INPP4B: variants seen among roughly 807,000 people sequenced by gnomAD.
INPP4B encodes the protein inositol polyphosphate-4-phosphatase type II B, also known as inositol polyphosphate 4-phosphatase type II.
In INPP4B, 55 loss-of-function variants were observed where a neutral mutation model predicts 122.5. The ratio of observed to expected loss-of-function variants is 0.45; its 90% CI spans 0.36 to 0.56. INPP4B has a LOEUF of 0.56. Ranked by LOEUF, INPP4B falls within the 20% of genes least tolerant of loss-of-function variation. The probability of loss-of-function intolerance (pLI) is 0.00; values close to 1 mark genes in which losing one functional copy is unlikely to be tolerated. For synonymous variants in INPP4B, 403 were observed against 388.7 expected (o/e 1.04, Z -0.43); for missense variants, 1,000 against 1,097.7 (o/e 0.91, Z 1.26).
At chr4:142,756,610 G>A (rs1356076898) in intron 1 of INPP4B, among the ~76,000 whole-genome samples, 1 of 151,754 alleles carries the variant, frequency 6.6e-6, no homozygotes, top group African/African-American at 2.4e-5. Flanking sequence ...GAAAGGAAAG[G>A]TGATTCAAAG....
intron 1 of INPP4B, among the ~76,000 whole-genome samples, chr4:142,730,569 C>T (rs951144522): frequency 3.9e-5 from 6 of 152,186 alleles, no homozygotes; most frequent in African/African-American, 1.2e-4. Context: ...CCTGTCAAAG[C>T]TTTAATGACA....
chr4:142,823,188 A>C (rs1263125105), intron 1 of INPP4B, among the ~76,000 whole-genome samples: 3 of 152,196 alleles, frequency 2.0e-5, no homozygotes, highest in Admixed American at 6.5e-5. Flanking sequence ...GAAGCTCAGA[A>C]GGCAGAGAGC....
chr4:142,604,887 C>T (rs1740890769), intron 2 of INPP4B, among the ~76,000 whole-genome samples: 1 of 152,002 alleles, frequency 6.6e-6, no homozygotes, highest in South Asian at 2.1e-4. Flanking sequence ...TCATATAGAA[C>T]CAAAATAGAG....
At chr4:142,673,779 A>G (rs897314456) in intron 2 of INPP4B, among the ~76,000 whole-genome samples, 2 of 152,084 alleles carry the variant, frequency 1.3e-5, no homozygotes, top group Admixed American at 6.6e-5. Flanking sequence ...CGTCAGACTA[A>G]TTTTCCTCTT....
At chr4:142,673,970 T>C (rs1343449816) in intron 2 of INPP4B, among the ~76,000 whole-genome samples, 1 of 152,120 alleles carries the variant, frequency 6.6e-6, no homozygotes, top group African/African-American at 2.4e-5. Flanking sequence ...TAATAGCTCA[T>C]AGATGCATCC....
intron 2 of INPP4B, among the ~76,000 whole-genome samples, chr4:142,576,722 C>A (rs1471650534): frequency 6.6e-6 from 1 of 151,984 alleles, no homozygotes; most frequent in Non-Finnish European, 1.5e-5. Flanking sequence ...AACTTATCAT[C>A]TGATCCCTCT....
chr4:142,168,531 C>T (rs909515206), intron 16 of INPP4B, among the ~76,000 whole-genome samples: 5 of 151,562 alleles, frequency 3.3e-5, no homozygotes, highest in Non-Finnish European at 7.4e-5. Context: ...TAAGAGCAGC[C>T]TCTAATCTAA....
In INPP4B at chr4:142,846,278, T is replaced by TTGCGAGCG. The variant is rs1561135744; in HGVS notation, c.-331_-324dup. On this transcript the variant is annotated 5_prime_UTR_variant, in exon 1 of 26. Transcript: ENST00000262992. This position sits in a 1 kb window ranked among gnomAD's most constrained non-coding sequence, Gnocchi z 5.1. ...TTTAGCCTGACTTTCCTGCGTTCGC[T>TTGCGAGCG]TGCGAGCGTGTGAGCGTGTGCGCGC... 6.6e-6 allele frequency: 1 copy of TTGCGAGCG among 152,636 alleles called. No homozygotes were observed. The highest frequency in any genetic ancestry group is 2.4e-5 in the African/African-American group (1 of 41,466). The allele number at this position is 152,636 out of a possible 1,614,324, so 9.5% of individuals were successfully genotyped here.
chr4:142,670,206 C>T (rs1455265338), intron 2 of INPP4B, among the ~76,000 whole-genome samples: 3 of 152,016 alleles, frequency 2.0e-5, no homozygotes, highest in Non-Finnish European at 2.9e-5. Flanking sequence ...TGGTATCAGA[C>T]GTTCACTGGT....
At chr4:142,199,098 C>A (rs1165575496) in intron 14 of INPP4B, among the ~76,000 whole-genome samples, 1 of 151,932 alleles carries the variant, frequency 6.6e-6, no homozygotes, top group Non-Finnish European at 1.5e-5. Context: ...AATTTACTTT[C>A]TTCTCTAGGC....
chr4:142,235,128 T>G (rs889057827), intron 12 of INPP4B, among the ~76,000 whole-genome samples: 15 of 152,116 alleles, frequency 9.9e-5, no homozygotes, highest in African/African-American at 3.6e-4. Flanking sequence ...GATAGCACTG[T>G]GAAGGACTCA....
intron 25 of INPP4B, among the ~76,000 whole-genome samples, chr4:142,041,867 C>T (rs1229499494): frequency 6.6e-6 from 1 of 150,792 alleles, no homozygotes; most frequent in African/African-American, 2.4e-5. Context: ...TGCATCTCCA[C>T]TTAGCTGTCT....
intron 9 of INPP4B, among the ~76,000 whole-genome samples, chr4:142,271,160 G>T (rs1216392917): frequency 6.6e-6 from 1 of 151,746 alleles, no homozygotes; most frequent in Non-Finnish European, 1.5e-5. Flanking sequence ...TCAGGCTGGT[G>T]TCAAACTCCC....
At chr4:142,148,454 T>C (rs1327257883) in intron 17 of INPP4B, among the ~76,000 whole-genome samples, 1 of 152,132 alleles carries the variant, frequency 6.6e-6, no homozygotes, top group African/African-American at 2.4e-5. Flanking sequence ...GCTCAAGTGA[T>C]CCACCCACCT....
intron 2 of INPP4B, among the ~76,000 whole-genome samples, chr4:142,512,120 T>C (rs1404816360): frequency 6.6e-6 from 1 of 152,150 alleles, no homozygotes; most frequent in African/African-American, 2.4e-5. Context: ...AAAAGCAGGA[T>C]AGTAGTATAA....
intron 2 of INPP4B, among the ~76,000 whole-genome samples, chr4:142,491,548 T>C (rs1473827948): frequency 6.6e-6 from 1 of 152,090 alleles, no homozygotes; most frequent in East Asian, 1.9e-4. Flanking sequence ...TCCCAGCTAC[T>C]TGGGAGCCTG....
chr4:142,153,696 G>A (rs1234831161), intron 17 of INPP4B, among the ~76,000 whole-genome samples: 1 of 152,092 alleles, frequency 6.6e-6, no homozygotes, highest in South Asian at 2.1e-4. Context: ...ATGAGCTGTT[G>A]ATATCAGCAA....
At chr4:142,305,984 T>C in intron 8 of INPP4B, 1 of 905,612 alleles carries the variant, frequency 1.1e-6, no homozygotes, top group Non-Finnish European at 1.3e-6. Flanking sequence ...ATGTGGGACT[T>C]TGTACAAGTT....
At chr4:142,817,711 T>G (rs943309773) in intron 1 of INPP4B, among the ~76,000 whole-genome samples, 1 of 152,168 alleles carries the variant, frequency 6.6e-6, no homozygotes, top group Non-Finnish European at 1.5e-5. Context: ...GAAGTCAGCT[T>G]TCAACTAGAA....
Sources: allele counts gnomAD v4.1 joint callset (sites outside exome capture counted in the v4.1 genomes callset), GRCh38; gene constraint gnomAD v4.1.1; non-coding constraint Gnocchi (gnomAD v3.1); transcripts MANE v1.5; gene names NCBI Gene and HGNC (gene_info 2026-07-23, HGNC 2026-07-21).